RDX: variants seen among roughly 807,000 people sequenced by gnomAD.
RDX encodes radixin.
In RDX, 32 loss-of-function variants were observed where a neutral mutation model predicts 83.7. The ratio of observed to expected loss-of-function variants is 0.38; its 90% CI spans 0.29 to 0.51. RDX has a LOEUF of 0.51. RDX is among the 20% of genes least tolerant of loss of function. The pLI is 0.87. For missense variants in RDX, 600 were observed against 689.9 expected (o/e 0.87, Z 1.46); for synonymous variants, 229 against 222.7 (o/e 1.03, Z -0.25).
chr11:110,283,723 A>G (rs1860860183), intron 1 of RDX, among the ~76,000 whole-genome samples: 1 of 152,108 alleles, frequency 6.6e-6, no homozygotes, highest in Admixed American at 6.6e-5. Flanking sequence ...TCTAAAACAA[A>G]CAAACAAAAA....
chr11:110,186,237 A>G (rs1393787614), intron 15 of RDX, among the ~76,000 whole-genome samples: 1 of 152,182 alleles, frequency 6.6e-6, no homozygotes, highest in African/African-American at 2.4e-5. Context: ...AGAGCATCCC[A>G]ATGATAAACA....
chr11:110,258,210 A>T, intron 5 of RDX, 21 bp from the exon 6 acceptor site: 2 of 1,488,234 alleles, frequency 1.3e-6, no homozygotes, highest in Non-Finnish European at 1.8e-6. Flanking sequence ...CAAAAAAAAA[A>T]AAAAATTATA....
At chr11:110,222,482 CTTATT>C (rs1864282533) in intron 14 of RDX, among the ~76,000 whole-genome samples, 2 of 152,150 alleles carry the variant, frequency 1.3e-5, no homozygotes, top group South Asian at 4.1e-4. Context: ...ATTATCTCAG[CTTATT>C]TTAAGAATGC....
At chr11:110,292,208 G>A (rs1421562377) in intron 1 of RDX, among the ~76,000 whole-genome samples, 1 of 151,848 alleles carries the variant, frequency 6.6e-6, no homozygotes, top group Non-Finnish European at 1.5e-5. Context: ...CAGGAGAATC[G>A]CTTGAACCCT....
At chr11:110,216,179 T>C (rs1412725709) in intron 14 of RDX, among the ~76,000 whole-genome samples, 1 of 152,068 alleles carries the variant, frequency 6.6e-6, no homozygotes, top group African/African-American at 2.4e-5. Flanking sequence ...CACACATCAC[T>C]CTCCTCCGGG....
intron 2 of RDX, among the ~76,000 whole-genome samples, chr11:110,278,407 T>A (rs1211221900): frequency 6.6e-6 from 1 of 152,168 alleles, no homozygotes; most frequent in African/African-American, 2.4e-5. Flanking sequence ...AAGATCTCTA[T>A]ACATATTTTA....
chr11:110,263,922 T>C (rs375421743), intron 5 of RDX, 38 bp downstream of exon 5: 4 of 1,577,354 alleles, frequency 2.5e-6, no homozygotes, highest in Non-Finnish European at 3.5e-6. Context: ...TAGAATACAA[T>C]TTTCAGACAA....
intron 3 of RDX, among the ~76,000 whole-genome samples, chr11:110,269,110 C>T (rs1023334909): frequency 6.6e-6 from 1 of 151,956 alleles, no homozygotes; most frequent in African/African-American, 2.4e-5. Context: ...TGCACCACCA[C>T]ACTCAGCTAA....
At chr11:110,247,377 G>GTATT (rs1366491345) in intron 10 of RDX, among the ~76,000 whole-genome samples, 1 of 151,976 alleles carries the variant, frequency 6.6e-6, no homozygotes, top group African/African-American at 2.4e-5. Context: ...ATGCCATAAT[G>GTATT]TATTGCATAT....
At chr11:110,251,821 C>G (rs1297249665) in intron 9 of RDX, among the ~76,000 whole-genome samples, 2 of 152,072 alleles carry the variant, frequency 1.3e-5, no homozygotes, top group Non-Finnish European at 2.9e-5. Flanking sequence ...CCAAAAAACC[C>G]CTAGGTTATA....
intron 2 of RDX, chr11:110,273,117 T>C (rs1384512689): frequency 2.2e-6 from 1 of 455,620 alleles, no homozygotes; most frequent in Non-Finnish European, 4.4e-6. Context: ...GAAGCTGAGA[T>C]GGGAGGATCA....
chr11:110,285,232 C>CA (rs1360862943), intron 1 of RDX, among the ~76,000 whole-genome samples: 2 of 149,876 alleles, frequency 1.3e-5, no homozygotes, highest in Non-Finnish European at 3.0e-5. Context: ...ACTAAAAATA[C>CA]AAAAAATTAG....
intron 10 of RDX, among the ~76,000 whole-genome samples, chr11:110,246,306 T>C (rs1011904852): frequency 6.6e-6 from 1 of 152,242 alleles, no homozygotes; most frequent in African/African-American, 2.4e-5. Flanking sequence ...CCCCTCTAGC[T>C]ACTCTCCCTT....
At chr11:110,277,833 GT>G (rs1860581927) in intron 2 of RDX, among the ~76,000 whole-genome samples, 1 of 152,088 alleles carries the variant, frequency 6.6e-6, no homozygotes, top group Non-Finnish European at 1.5e-5. Context: ...TTTCTTAATG[GT>G]TCAAATTTTC....
intron 14 of RDX, among the ~76,000 whole-genome samples, chr11:110,217,808 T>C (rs1864108743): frequency 6.6e-6 from 1 of 152,182 alleles, no homozygotes; most frequent in African/African-American, 2.4e-5. Flanking sequence ...CTCTATAACC[T>C]TGTCACTGTT....
intron 14 of RDX, among the ~76,000 whole-genome samples, chr11:110,214,602 CAAT>C (rs1270322287): frequency 4.2e-5 from 3 of 71,224 alleles, no homozygotes; most frequent in African/African-American, 1.7e-4. Context: ...AAATGTCCAA[CAAT>C]GATAGACTGG....
intron 12 of RDX, 41 bp from the exon 13 acceptor site, chr11:110,233,520 A>G: frequency 6.2e-7 from 1 of 1,607,648 alleles, no homozygotes; most frequent in Non-Finnish European, 8.5e-7. Flanking sequence ...TTACTTCAAA[A>G]ATTAATAATC....
intron 15 of RDX, among the ~76,000 whole-genome samples, chr11:110,178,783 G>C (rs117970929): frequency 6.6e-6 from 1 of 152,324 alleles, no homozygotes; most frequent in Non-Finnish European, 1.5e-5. Flanking sequence ...GCTGCTGTTT[G>C]AGCAGCTCAG....
At chr11:110,199,524 T>A in intron 15 of RDX, 2 of 699,620 alleles carry the variant, frequency 2.9e-6, no homozygotes, top group Admixed American at 4.0e-5. Context: ...GTGGAAGGTG[T>A]GGCAGGTCTA....
Sources: allele counts gnomAD v4.1 joint callset (sites outside exome capture counted in the v4.1 genomes callset), GRCh38; gene constraint gnomAD v4.1.1; transcripts MANE v1.5; gene names NCBI Gene and HGNC (gene_info 2026-07-23, HGNC 2026-07-21).